Variants in DLGAP4 observed in about 807,000 individuals in gnomAD.
DLGAP4 encodes the protein DLG associated protein 4, also known as disks large-associated protein 4.
DLGAP4 carries 18 observed loss-of-function variants against 86.9 expected under a neutral mutation model. The observed-to-expected ratio is 0.21, with a 90% CI of 0.14 to 0.31. DLGAP4 has a LOEUF of 0.31. DLGAP4 is among the 10% of genes least tolerant of loss of function. The pLI is 1.00. For synonymous variants in DLGAP4, 548 were observed against 574.3 expected (o/e 0.95, Z 0.65); for missense variants, 1,085 against 1,362.6 (o/e 0.80, Z 3.21).
At chr20:36,476,429 G>A (rs962404158) in intron 7 of DLGAP4, among the ~76,000 whole-genome samples, 9 of 142,032 alleles carry the variant, frequency 6.3e-5, no homozygotes, top group Non-Finnish European at 1.4e-4. Flanking sequence ...CCAGGTTCAA[G>A]CAATTTTCCT....
intron 10 of DLGAP4, among the ~76,000 whole-genome samples, chr20:36,504,271 A>C (rs1044997178): frequency 6.6e-6 from 1 of 152,170 alleles, no homozygotes; most frequent in African/African-American, 2.4e-5. Context: ...AGCCGCTGGT[A>C]TCCTCTACTT....
intron 1 of DLGAP4, among the ~76,000 whole-genome samples, chr20:36,339,724 C>T (rs1022626048): frequency 2.6e-5 from 4 of 152,162 alleles, no homozygotes; most frequent in East Asian, 1.9e-4. Flanking sequence ...CAGGGGAATG[C>T]GGGGCACAAA....
At chr20:36,437,586 C>G (rs935275158) in intron 4 of DLGAP4, among the ~76,000 whole-genome samples, 1 of 152,186 alleles carries the variant, frequency 6.6e-6, no homozygotes, top group African/African-American at 2.4e-5. Flanking sequence ...TGTCCCAGTG[C>G]CTGCCTGGAA....
chr20:36,445,961 G>A (rs2033581458), intron 6 of DLGAP4, among the ~76,000 whole-genome samples: 1 of 151,684 alleles, frequency 6.6e-6, no homozygotes, highest in Non-Finnish European at 1.5e-5. Context: ...CATTTCTGGA[G>A]AAATACTTAG....
chr20:36,340,343 C>T (rs2065366014), intron 1 of DLGAP4, among the ~76,000 whole-genome samples: 1 of 152,188 alleles, frequency 6.6e-6, no homozygotes. Flanking sequence ...ACACTGCAGG[C>T]TGGGCCAAGG....
chr20:36,453,917 G>A (rs1344824219), intron 7 of DLGAP4, among the ~76,000 whole-genome samples: 1 of 118,252 alleles, frequency 8.5e-6, no homozygotes, highest in African/African-American at 3.3e-5. Flanking sequence ...TGGGCGAAAA[G>A]AGTGAGACTC....
In DLGAP4 at chr20:36,359,893, G is replaced by T. The variant is rs375603137; in HGVS notation, c.-303-7152G>T. On this transcript the variant is annotated intron_variant, in intron 1 of 12. Coordinates refer to ENST00000339266, the MANE Select transcript of DLGAP4 (RefSeq NM_001365621.2). The stretch of plus-strand genomic sequence containing the variant: ...GCTGATCTGGAGCAGTGGCCAGTGG[G>T]TGTGACTGGCTTGGAGCAGTTGGTA... Among the ~76,000 whole-genome samples, 12 of 152,320 alleles carry T rather than the reference G, an allele frequency of 7.9e-5. No individual in the cohort carries two copies. In the East Asian group the frequency reaches 2.3e-3, roughly 29 times the overall value.
At chr20:36,439,713 A>G in intron 4 of DLGAP4, 41 bp from the exon 5 acceptor site, 1 of 1,567,878 alleles carries the variant, frequency 6.4e-7, no homozygotes, top group Non-Finnish European at 8.7e-7. Flanking sequence ...TGGGTGAACA[A>G]TGGGTGGGCT....
chr20:36,361,944 A>G (rs1286838567), intron 1 of DLGAP4, among the ~76,000 whole-genome samples: 3 of 145,336 alleles, frequency 2.1e-5, no homozygotes, highest in East Asian at 2.0e-4. Context: ...GCGCCACTGC[A>G]CTCCAGCGTG....
chr20:36,461,722 TC>T, intron 7 of DLGAP4: 1 of 803,898 alleles, frequency 1.2e-6, no homozygotes, highest in Non-Finnish European at 1.4e-6. Flanking sequence ...CTCCTCCTCC[TC>T]CCCGTCTGTC....
At chr20:36,398,087 C>T (rs1263878561) in intron 2 of DLGAP4, among the ~76,000 whole-genome samples, 1 of 152,224 alleles carries the variant, frequency 6.6e-6, no homozygotes, top group East Asian at 1.9e-4. Context: ...TGCCATTGCA[C>T]TCCAGCCTGG....
intron 1 of DLGAP4, among the ~76,000 whole-genome samples, chr20:36,353,802 G>A (rs1041517573): frequency 6.6e-6 from 1 of 152,236 alleles, no homozygotes; most frequent in East Asian, 1.9e-4. Flanking sequence ...TGGCCCAAGG[G>A]GCAGGAGGCC....
chr20:36,402,075 A>C (rs6513937), intron 2 of DLGAP4, among the ~76,000 whole-genome samples: 1,803 of 152,324 alleles, frequency 0.012, 41 homozygotes, highest in African/African-American at 0.041. Context: ...TTGTGAAACC[A>C]TTTACAACTG....
At chr20:36,519,036 GA>G (rs2037207360) in intron 10 of DLGAP4, among the ~76,000 whole-genome samples, 1 of 151,674 alleles carries the variant, frequency 6.6e-6, no homozygotes, top group African/African-American at 2.4e-5. Flanking sequence ...AGAATCGCTT[GA>G]ACCCGGGAGG....
At chr20:36,471,196 T>C (rs2034646717) in intron 7 of DLGAP4, among the ~76,000 whole-genome samples, 1 of 152,160 alleles carries the variant, frequency 6.6e-6, no homozygotes, top group South Asian at 2.1e-4. Context: ...CATTCAAATA[T>C]TTACTGACCT....
intron 6 of DLGAP4, among the ~76,000 whole-genome samples, chr20:36,444,725 C>G (rs1209815208): frequency 6.6e-6 from 1 of 152,136 alleles, no homozygotes. Context: ...ACTGCAACCT[C>G]CTCCTCCAGG....
chr20:36,346,376 C>A (rs1363003898), intron 1 of DLGAP4, among the ~76,000 whole-genome samples: 1 of 152,256 alleles, frequency 6.6e-6, no homozygotes, highest in Non-Finnish European at 1.5e-5. Flanking sequence ...GGGACAGGCA[C>A]TGGAAGCCTA....
chr20:36,432,557 T>G lies in DLGAP4; in HGVS notation c.840T>G (p.Leu280=), dbSNP rs550730744. Residue 280 remains leucine, a synonymous_variant, in exon 3 of 13, where the codon CTT becomes CTG. Coordinates refer to ENST00000339266, the MANE Select transcript of DLGAP4 (RefSeq NM_001365621.2). This position sits in a 1 kb window ranked among gnomAD's most constrained non-coding sequence, Gnocchi z 6.5. ...CACCCCCAGCCACCTGCCCCAGCCT[T>G]GGGGTGGGCACTGACACCAACTACG... ...PPAPPATCPS[L]GVGTDTNYVK... 17 of 1,607,540 alleles carry G rather than the reference T, an allele frequency of 1.1e-5. No individual in the cohort carries two copies. The African/African-American group carries it at 1.1e-4, about 10-fold the overall frequency.
intron 1 of DLGAP4, among the ~76,000 whole-genome samples, chr20:36,342,064 C>G (rs1354402042): frequency 6.6e-6 from 1 of 152,188 alleles, no homozygotes; most frequent in Non-Finnish European, 1.5e-5. Context: ...CGGAGTGGAG[C>G]CCTGAAGTCC....
Sources: gnomAD v4.1 joint callset for allele counts (sites outside exome capture counted in the v4.1 genomes callset) on GRCh38, gnomAD v4.1.1 for gene constraint, Gnocchi (gnomAD v3.1) non-coding constraint, MANE v1.5 for transcripts, NCBI Gene and HGNC (gene_info 2026-07-23, HGNC 2026-07-21) for gene names.